CPE: variants seen among roughly 807,000 people sequenced by gnomAD.
The protein encoded by CPE is carbocypeptidase E.
Under a neutral mutation model 53.5 loss-of-function variants are expected in CPE, and 17 were observed. The ratio of observed to expected loss-of-function variants is 0.32; its 90% CI spans 0.22 to 0.48. The LOEUF is 0.48. CPE is among the 20% of genes least tolerant of loss of function. The pLI, the probability that CPE is intolerant of heterozygous loss-of-function variation, is 0.99. For synonymous variants in CPE, 226 were observed against 228.8 expected (o/e 0.99, Z 0.11); for missense variants, 524 against 614.7 (o/e 0.85, Z 1.56).
intron 1 of CPE, chr4:165,381,502 A>G (rs1730504564): frequency 2.9e-6 from 1 of 344,054 alleles, no homozygotes; most frequent in Non-Finnish European, 5.7e-6. Context: ...TTCCTCTTAC[A>G]GAGACAAACT....
At chr4:165,404,297 G>A (rs1228212113) in intron 1 of CPE, 2 of 770,998 alleles carry the variant, frequency 2.6e-6, no homozygotes, top group South Asian at 1.3e-5. Context: ...TTGCGGGCAC[G>A]TGACTGCCTC....
At chr4:165,494,957 C>T (rs976482997) in intron 7 of CPE, among the ~76,000 whole-genome samples, 1 of 152,180 alleles carries the variant, frequency 6.6e-6, no homozygotes, top group Non-Finnish European at 1.5e-5. Context: ...CTTAGCATTG[C>T]CCTGGGGCTG....
chr4:165,473,599 T>C (rs1353059677), intron 3 of CPE, among the ~76,000 whole-genome samples: 1 of 152,228 alleles, frequency 6.6e-6, no homozygotes, highest in Non-Finnish European at 1.5e-5. Context: ...AACATTTAGG[T>C]AACTTTCCAG....
intron 1 of CPE, among the ~76,000 whole-genome samples, chr4:165,422,112 TTAAAAA>T (rs1731233789): frequency 2.6e-5 from 4 of 152,142 alleles, no homozygotes; most frequent in Admixed American, 6.5e-5. Context: ...TTAAAAGAAC[TTAAAAA>T]TAAAGAACTT....
chr4:165,440,316 T>C (rs1731585602), intron 1 of CPE, among the ~76,000 whole-genome samples: 1 of 152,166 alleles, frequency 6.6e-6, no homozygotes, highest in South Asian at 2.1e-4. Context: ...TATCTAGAAG[T>C]TAGATCAGTT....
intron 1 of CPE, among the ~76,000 whole-genome samples, chr4:165,418,789 T>G (rs553144810): frequency 1.2e-4 from 19 of 152,316 alleles, no homozygotes; most frequent in African/African-American, 4.6e-4. Context: ...TTAGAGAGTT[T>G]TTTTGGAATG....
intron 1 of CPE, among the ~76,000 whole-genome samples, chr4:165,462,833 G>C (rs893989955): frequency 2.6e-5 from 4 of 152,168 alleles, no homozygotes; most frequent in Non-Finnish European, 4.4e-5. Context: ...AGCTCAGGCT[G>C]AGAGGTCACC....
chr4:165,492,377 A>G (rs1311516623), intron 6 of CPE, among the ~76,000 whole-genome samples: 4 of 152,230 alleles, frequency 2.6e-5, no homozygotes, highest in Non-Finnish European at 5.9e-5. Context: ...TAATGAATAC[A>G]CAGGTGACCA....
chr4:165,441,001 A>G (rs374393415), intron 1 of CPE, among the ~76,000 whole-genome samples: 12 of 152,268 alleles, frequency 7.9e-5, no homozygotes, highest in Admixed American at 3.3e-4. Context: ...CTGGGTGGCA[A>G]ATGCATCAGT....
intron 1 of CPE, among the ~76,000 whole-genome samples, chr4:165,409,878 T>C (rs1731009315): frequency 6.6e-6 from 1 of 152,166 alleles, no homozygotes; most frequent in African/African-American, 2.4e-5. Flanking sequence ...GTGCCAGTTG[T>C]CCTCTTTCTA....
intron 1 of CPE, among the ~76,000 whole-genome samples, chr4:165,440,820 C>T (rs1199271184): frequency 2.0e-5 from 3 of 152,112 alleles, no homozygotes; most frequent in South Asian, 2.1e-4. Context: ...TGAAAACTGC[C>T]TCCGAGACCT....
chr4:165,404,615 G>T, intron 1 of CPE: 3 of 1,120,182 alleles, frequency 2.7e-6, no homozygotes, highest in Non-Finnish European at 4.1e-6. Flanking sequence ...GGCACCCACA[G>T]GAAGGCCAAG....
At chr4:165,449,999 A>G (rs1206634232) in intron 1 of CPE, among the ~76,000 whole-genome samples, 1 of 152,204 alleles carries the variant, frequency 6.6e-6, no homozygotes, top group Non-Finnish European at 1.5e-5. Flanking sequence ...AATGAAGTTC[A>G]GTATAACATT....
intron 5 of CPE, among the ~76,000 whole-genome samples, 166 bp from the exon 6 acceptor site, chr4:165,487,272 G>A (rs1732521086): frequency 6.6e-6 from 1 of 152,164 alleles, no homozygotes; most frequent in Non-Finnish European, 1.5e-5. Context: ...CCCGACCTAT[G>A]TTGTTCAATC....
intron 1 of CPE, among the ~76,000 whole-genome samples, chr4:165,435,963 G>C (rs1350640075): frequency 6.6e-6 from 1 of 152,010 alleles, no homozygotes; most frequent in Non-Finnish European, 1.5e-5. Flanking sequence ...TTTTTAACCT[G>C]GTTGCCAGGG....
intron 3 of CPE, among the ~76,000 whole-genome samples, chr4:165,474,303 A>G (rs1207009037): frequency 6.6e-6 from 1 of 152,082 alleles, no homozygotes; most frequent in Non-Finnish European, 1.5e-5. Context: ...CTCCCAGTTC[A>G]TTTTTAGGCC....
At chr4:165,401,703 A>T in intron 1 of CPE, among the ~76,000 whole-genome samples, 1 of 152,168 alleles carries the variant, frequency 6.6e-6, no homozygotes, top group East Asian at 1.9e-4. Flanking sequence ...AGGAGGGTTT[A>T]TGTGTGGGGG....
intron 1 of CPE, among the ~76,000 whole-genome samples, chr4:165,416,525 G>C (rs777854286): frequency 6.6e-6 from 1 of 152,044 alleles, no homozygotes; most frequent in Non-Finnish European, 1.5e-5. Flanking sequence ...ATATGCGGTA[G>C]ACAATTTAGG....
intron 1 of CPE, among the ~76,000 whole-genome samples, chr4:165,430,663 A>G (rs1475393740): frequency 3.9e-5 from 6 of 152,300 alleles, no homozygotes; most frequent in African/African-American, 1.4e-4. Flanking sequence ...TTTTTATTAT[A>G]CTTAATATAT....
Sources: gnomAD v4.1 joint callset for allele counts (sites outside exome capture counted in the v4.1 genomes callset) on GRCh38, gnomAD v4.1.1 for gene constraint, MANE v1.5 for transcripts, NCBI Gene and HGNC (gene_info 2026-07-23, HGNC 2026-07-21) for gene names.